SMYD3: variants seen among roughly 807,000 people sequenced by gnomAD.
SMYD3 encodes SET and MYND domain containing 3.
Under a neutral mutation model 57.7 loss-of-function variants are expected in SMYD3, and 36 were observed. The observed-to-expected ratio is 0.62, with a 90% CI of 0.48 to 0.82. SMYD3 has a LOEUF of 0.82. SMYD3 is among the 40% of genes least tolerant of loss of function. The pLI is 0.00. For missense variants in SMYD3, 515 were observed against 538.8 expected (o/e 0.96, Z 0.44); for synonymous variants, 211 against 195.0 (o/e 1.08, Z -0.68).
At position 245,786,904 on chromosome 1, in the gene SMYD3, AG is replaced by A. The variant is rs2047067277; in HGVS notation, c.1077-22756del. On this transcript the variant is annotated intron_variant, in intron 10 of 11. Coordinates refer to ENST00000490107, the MANE Select transcript of SMYD3 (RefSeq NM_001167740.2). ...TTCCATTTTCTCAGCACAAAATCAAAGAAAATTGAGAAATATGAAATTACAT... is the reference window on the plus strand; with the variant it reads ...TTCCATTTTCTCAGCACAAAATCAAAAAAATTGAGAAATATGAAATTACAT... Among the ~76,000 whole-genome samples the A allele has an allele frequency of 4.6e-5, 7 of 152,328 alleles. No individual in the cohort carries two copies. The South Asian group carries it at 1.5e-3, about 32-fold the overall frequency.
intron 10 of SMYD3, among the ~76,000 whole-genome samples, chr1:245,851,838 T>C (rs1358698458): frequency 1.3e-5 from 2 of 152,290 alleles, no homozygotes; most frequent in East Asian, 3.9e-4. Context: ...GGTTGAGTAG[T>C]GGCCTCTACT....
At chr1:245,989,488 C>T (rs2058771618) in intron 5 of SMYD3, among the ~76,000 whole-genome samples, 1 of 152,272 alleles carries the variant, frequency 6.6e-6, no homozygotes, top group South Asian at 2.1e-4. Context: ...ATCCAGCTTG[C>T]TGCACATGTC....
rs185699723 is a variant in SMYD3, at chr1:246,151,414, G to T, written c.531+175787C>A. On this transcript the variant is annotated intron_variant, in intron 5 of 11. Transcript: ENST00000490107. The stretch of plus-strand genomic sequence containing the variant: ...AAAAAGTATGGGGTTCATGGCCAAG[G>T]TGTTTAAAATCCTGGCTCTGCTACT... 4.6e-5 allele frequency among the ~76,000 whole-genome samples: 7 copies of T among 152,066 alleles called. No homozygotes were observed. In the East Asian group the frequency reaches 1.4e-3, roughly 29 times the overall value.
intron 5 of SMYD3, among the ~76,000 whole-genome samples, chr1:246,315,837 T>G (rs1385583110): frequency 6.6e-6 from 1 of 152,240 alleles, no homozygotes; most frequent in Non-Finnish European, 1.5e-5. Context: ...AAGAATCTGG[T>G]TTGGCGAAGC....
intron 2 of SMYD3, among the ~76,000 whole-genome samples, chr1:246,348,950 G>C (rs1461292814): frequency 6.6e-6 from 1 of 151,366 alleles, no homozygotes; most frequent in Non-Finnish European, 1.5e-5. Context: ...AAAGTACTGA[G>C]AGAAAAAAAA....
intron 10 of SMYD3, among the ~76,000 whole-genome samples, chr1:245,856,964 T>C (rs542309649): frequency 6.6e-6 from 1 of 152,314 alleles, no homozygotes; most frequent in Non-Finnish European, 1.5e-5. Context: ...CTGCCTCTTT[T>C]TGCAACACTA....
At chr1:245,920,017 A>C (rs180930822) in intron 7 of SMYD3, among the ~76,000 whole-genome samples, 1 of 152,342 alleles carries the variant, frequency 6.6e-6, no homozygotes, top group Non-Finnish European at 1.5e-5. Flanking sequence ...TGAGTGGATA[A>C]GATGAGCAAG....
chr1:246,463,532 G>T (rs542385089), intron 1 of SMYD3, among the ~76,000 whole-genome samples: 1 of 152,116 alleles, frequency 6.6e-6, no homozygotes, highest in African/African-American at 2.4e-5. Context: ...ATACAAGAGT[G>T]TGGGGCCAGG....
At chr1:245,953,141 T>C in intron 5 of SMYD3, 1 of 811,934 alleles carries the variant, frequency 1.2e-6, no homozygotes, top group Non-Finnish European at 1.5e-6. Flanking sequence ...AAAGTGTTAT[T>C]TCCCCAAAGA....
At chr1:245,960,554 C>T (rs2057973367) in intron 5 of SMYD3, among the ~76,000 whole-genome samples, 1 of 152,042 alleles carries the variant, frequency 6.6e-6, no homozygotes, top group South Asian at 2.1e-4. Context: ...AAACCCCCAT[C>T]TCTACGAAAA....
chr1:246,378,746 A>AAAATAAT, intron 1 of SMYD3, among the ~76,000 whole-genome samples: 1 of 81,246 alleles, frequency 1.2e-5, no homozygotes, highest in Non-Finnish European at 2.3e-5. Context: ...ATATAATTAT[A>AAAATAAT]TATAATATAT....
intron 5 of SMYD3, among the ~76,000 whole-genome samples, chr1:246,298,316 G>A (rs1249678896): frequency 1.3e-5 from 2 of 151,742 alleles, no homozygotes; most frequent in East Asian, 1.9e-4. Flanking sequence ...CTACAAAGGT[G>A]GCAAATTGAA....
At chr1:246,056,755 T>A (rs2060158827) in intron 5 of SMYD3, among the ~76,000 whole-genome samples, 1 of 149,920 alleles carries the variant, frequency 6.7e-6, no homozygotes. Context: ...AGCCCATAAA[T>A]ACATGTAAAC....
chr1:245,957,844 C>T (rs1277086691), intron 5 of SMYD3, among the ~76,000 whole-genome samples: 1 of 152,098 alleles, frequency 6.6e-6, no homozygotes, highest in African/African-American at 2.4e-5. Flanking sequence ...CTCTATCAAG[C>T]CATAAAAAGT....
At chr1:245,779,991 T>C (rs1236954194) in intron 10 of SMYD3, among the ~76,000 whole-genome samples, 2 of 152,126 alleles carry the variant, frequency 1.3e-5, no homozygotes, top group Non-Finnish European at 2.9e-5. Context: ...TCACACCCAC[T>C]AGGATGGGGA....
chr1:246,046,804 T>C (rs563824873), intron 5 of SMYD3, among the ~76,000 whole-genome samples: 1 of 151,616 alleles, frequency 6.6e-6, no homozygotes, highest in East Asian at 1.9e-4. Context: ...AGAATGTACT[T>C]AGATACAAAG....
At chr1:246,294,583 C>G (rs527419930) in intron 5 of SMYD3, among the ~76,000 whole-genome samples, 1 of 150,192 alleles carries the variant, frequency 6.7e-6, no homozygotes, top group South Asian at 2.2e-4. Context: ...TGTGTGTGAT[C>G]TGGGCAAACC....
intron 10 of SMYD3, among the ~76,000 whole-genome samples, chr1:245,821,952 C>A (rs2049184870): frequency 6.6e-6 from 1 of 151,696 alleles, no homozygotes; most frequent in Non-Finnish European, 1.5e-5. Flanking sequence ...GTTGGTGGGA[C>A]TGTAAACTAG....
intron 11 of SMYD3, among the ~76,000 whole-genome samples, chr1:245,756,406 G>A (rs1383141176): frequency 2.0e-5 from 3 of 152,004 alleles, no homozygotes; most frequent in African/African-American, 7.2e-5. Flanking sequence ...CTCAAGGGGA[G>A]AAGGAAAGAT....
Sources: allele counts gnomAD v4.1 joint callset (sites outside exome capture counted in the v4.1 genomes callset), GRCh38; gene constraint gnomAD v4.1.1; transcripts MANE v1.5; gene names NCBI Gene and HGNC (gene_info 2026-07-23, HGNC 2026-07-21).